The following GYS2 variants were observed in gnomAD, a reference collection of about 807,000 sequenced individuals.
GYS2 encodes glycogen synthase 2, also known as glycogen [starch] synthase, liver.
Under a neutral mutation model 85.6 loss-of-function variants are expected in GYS2, and 80 were observed. The observed-to-expected ratio is 0.93, with a 90% CI of 0.78 to 1.13. GYS2 has a LOEUF of 1.13. Ranked by LOEUF, GYS2 falls within the 50% of genes most tolerant of loss-of-function variation. The probability of loss-of-function intolerance (pLI) is 0.00; values close to 1 mark genes in which losing one functional copy is unlikely to be tolerated. For missense variants in GYS2, 881 were observed against 854.9 expected (o/e 1.03, Z -0.38); for synonymous variants, 328 against 300.7 (o/e 1.09, Z -0.94).
intron 15 of GYS2, chr12:21,537,385 T>C: frequency 1.7e-6 from 1 of 593,388 alleles, no homozygotes. Context: ...AGTACTGAAA[T>C]GTGCTAAGTG....
chr12:21,562,489 GCATAAGC>G (rs1172388475), intron 7 of GYS2, among the ~76,000 whole-genome samples: 2 of 152,164 alleles, frequency 1.3e-5, no homozygotes, highest in African/African-American at 4.8e-5. Context: ...ATTGTCATGT[GCATAAGC>G]CACATCTTCC....
chr12:21,568,843 G>A (rs1944353315), intron 5 of GYS2, 22 bp downstream of exon 5: 13 of 1,600,336 alleles, frequency 8.1e-6, no homozygotes, highest in Non-Finnish European at 1.0e-5. Context: ...TGAAAGATAG[G>A]TGATCCAGGG....
downstream of GYS2, among the ~76,000 whole-genome samples, chr12:21,535,891 T>A (rs1943905431): frequency 6.6e-6 from 1 of 152,220 alleles, no homozygotes. Flanking sequence ...TTAATTACAC[T>A]TAAAACATAA....
intron 7 of GYS2, among the ~76,000 whole-genome samples, chr12:21,562,261 T>G (rs1944262394): frequency 1.3e-5 from 2 of 152,138 alleles, no homozygotes; most frequent in Non-Finnish European, 2.9e-5. Flanking sequence ...TTTAAAACTC[T>G]TAGTCGCAGG....
chr12:21,596,534 C>G (rs1944698813), intron 1 of GYS2, among the ~76,000 whole-genome samples: 1 of 151,998 alleles, frequency 6.6e-6, no homozygotes, highest in Non-Finnish European at 1.5e-5. Context: ...AAAAAGCATT[C>G]AACAAAATCC....
intron 1 of GYS2, among the ~76,000 whole-genome samples, chr12:21,602,087 G>A (rs1048121639): frequency 1.3e-5 from 2 of 151,974 alleles, no homozygotes; most frequent in Non-Finnish European, 2.9e-5. Context: ...AGAAAACATG[G>A]TAAGATAACT....
intron 11 of GYS2, among the ~76,000 whole-genome samples, chr12:21,554,465 G>T (rs1395513804): frequency 6.6e-6 from 1 of 152,080 alleles, no homozygotes; most frequent in Non-Finnish European, 1.5e-5. Context: ...ATCTCACCTT[G>T]GTGTCTGCTT....
chr12:21,603,941 TTA>T (rs1282697700), intron 1 of GYS2, among the ~76,000 whole-genome samples: 1 of 152,126 alleles, frequency 6.6e-6, no homozygotes, highest in Non-Finnish European at 1.5e-5. Context: ...AAGAAAAAAA[TTA>T]CTTTCATTCT....
At chr12:21,566,686 A>G (rs974575831) in intron 5 of GYS2, among the ~76,000 whole-genome samples, 3 of 152,190 alleles carry the variant, frequency 2.0e-5, no homozygotes, top group Non-Finnish European at 1.5e-5. Flanking sequence ...TAACGTTTGA[A>G]TCATTGCAAT....
chr12:21,587,567 T>A (rs1944588558), intron 1 of GYS2, among the ~76,000 whole-genome samples: 1 of 152,152 alleles, frequency 6.6e-6, no homozygotes, highest in South Asian at 2.1e-4. Context: ...TGTTTCTTCT[T>A]CTGCCATGAT....
intron 7 of GYS2, among the ~76,000 whole-genome samples, chr12:21,561,407 T>C (rs1591791407): frequency 6.6e-6 from 1 of 152,190 alleles, no homozygotes; most frequent in Non-Finnish European, 1.5e-5. Context: ...CCGTCTAGTA[T>C]GCAGCCTCGG....
chr12:21,537,060 T>C lies in GYS2; in HGVS notation c.2006A>G (p.Asp669Gly), dbSNP rs1360740151. The C allele has an allele frequency of 2.5e-6, 4 of 1,613,782 alleles. No homozygotes were observed. Among genetic ancestry groups the C allele is most frequent in the Non-Finnish European group, 2.5e-6 (3 of 1,179,838 alleles). ...ATCCCTTTCAGCCTCCTCTTCCTCA[T>C]CGTATCTCTCATCCTCCACTTCATC... is the stretch of plus-strand genomic sequence containing the variant. ...VEDEVEDERY[D>G]EEEEAERDRL... Residue 669 changes from aspartate (D) to glycine (G), a missense_variant, in exon 16 of 16, where the codon GAT becomes GGT. Physicochemically the swap from Asp to Gly is moderately conservative, Grantham distance 94 (BLOSUM62 -1). Coordinates refer to ENST00000261195, the MANE Select transcript of GYS2 (RefSeq NM_021957.4).
intron 1 of GYS2, among the ~76,000 whole-genome samples, chr12:21,589,847 C>G (rs1944615012): frequency 6.6e-6 from 1 of 152,138 alleles, no homozygotes; most frequent in Non-Finnish European, 1.5e-5. Flanking sequence ...CATTACTGAG[C>G]AGCAAGGTGC....
intron 11 of GYS2, among the ~76,000 whole-genome samples, chr12:21,548,092 TC>T (rs1186680954): frequency 4.0e-5 from 3 of 75,170 alleles, no homozygotes; most frequent in African/African-American, 9.5e-5. Context: ...TTGGTTGATT[TC>T]CTTTGTTAAT....
rs1944228420 is a variant in GYS2 at position 21,559,696 on chromosome 12, GA to G, written c.1183del (p.Ser395LeufsTer2). On this transcript the variant is annotated frameshift_variant, in exon 9 of 16. Transcript: ENST00000261195. LOFTEE classifies it high-confidence loss of function. ...TTTTTTTCCAAACTTTTCCTTCACA[GA>G]ATGTGCAACATCCCTGTTTGAAACA... ...VRKQLWDVAH[S>X]VKEKFGKKLY... The G allele has an allele frequency of 4.4e-6, 7 of 1,590,226 alleles. No homozygotes were observed. The highest frequency in any genetic ancestry group is 6.0e-6 in the Non-Finnish European group (7 of 1,158,396).
chr12:21,548,854 A>G (rs1368842035), intron 11 of GYS2, among the ~76,000 whole-genome samples: 1 of 152,040 alleles, frequency 6.6e-6, no homozygotes, highest in African/African-American at 2.4e-5. Flanking sequence ...TTTGCCCAAC[A>G]TGCTATTTTC....
At chr12:21,581,996 A>T (rs932000692) in intron 1 of GYS2, among the ~76,000 whole-genome samples, 8 of 152,166 alleles carry the variant, frequency 5.3e-5, no homozygotes, top group African/African-American at 1.9e-4. Flanking sequence ...AAAACAGACA[A>T]ATGGGACTTA....
chr12:21,569,793 C>T (rs955219542), intron 4 of GYS2, among the ~76,000 whole-genome samples: 3 of 152,158 alleles, frequency 2.0e-5, no homozygotes, highest in Admixed American at 1.3e-4. Flanking sequence ...AGTAGCTCTT[C>T]AGCACTAGTG....
chr12:21,552,453 T>C (rs1400774742), intron 11 of GYS2, among the ~76,000 whole-genome samples: 1 of 152,242 alleles, frequency 6.6e-6, no homozygotes, highest in Non-Finnish European at 1.5e-5. Context: ...TCTACACAGT[T>C]CTTTAAGCAG....
Sources: allele counts gnomAD v4.1 joint callset (sites outside exome capture counted in the v4.1 genomes callset), GRCh38; gene constraint gnomAD v4.1.1; transcripts MANE v1.5; gene names NCBI Gene and HGNC (gene_info 2026-07-23, HGNC 2026-07-21).